MLIP: variants seen among roughly 807,000 people sequenced by gnomAD.
The protein encoded by MLIP is muscular LMNA interacting protein.
In MLIP, 79 loss-of-function variants were observed where a neutral mutation model predicts 84.8. That is an observed-to-expected ratio of 0.93 (90% CI 0.78 to 1.12). MLIP has a LOEUF of 1.12. Among genes scored for constraint, MLIP ranks in the 50% most tolerant of loss-of-function variants. The probability of loss-of-function intolerance (pLI) is 0.00; values close to 1 mark genes in which losing one functional copy is unlikely to be tolerated. For missense variants in MLIP, 1,257 were observed against 1,160.6 expected (o/e 1.08, Z -1.21); for synonymous variants, 504 against 463.0 (o/e 1.09, Z -1.14).
At chr6:54,160,494 T>C in intron 6 of MLIP, 22 bp from the exon 7 acceptor site, 2 of 1,611,390 alleles carry the variant, frequency 1.2e-6, no homozygotes, top group South Asian at 1.1e-5. Context: ...GCTAACCCAG[T>C]ACCTGGTTTC....
At chr6:54,208,103 G>C (rs1306965024) in intron 11 of MLIP, among the ~76,000 whole-genome samples, 1 of 152,004 alleles carries the variant, frequency 6.6e-6, no homozygotes, top group African/African-American at 2.4e-5. Flanking sequence ...ACTCCAGGCT[G>C]GGCAACAGAG....
At chr6:54,031,538 A>C (rs535545536) in intron 1 of MLIP, 2 of 151,264 alleles carry the variant, frequency 1.3e-5, no homozygotes, top group Admixed American at 1.3e-4. Flanking sequence ...GTGTGTGCAC[A>C]TGTGTGTGCA....
intron 12 of MLIP, among the ~76,000 whole-genome samples, chr6:54,250,545 T>A (rs1782402016): frequency 6.6e-6 from 1 of 152,098 alleles, no homozygotes; most frequent in African/African-American, 2.4e-5. Flanking sequence ...AGGAATGAGA[T>A]CATGTCCTTT....
At chr6:54,184,253 C>A (rs1228596068) in intron 9 of MLIP, among the ~76,000 whole-genome samples, 2 of 152,062 alleles carry the variant, frequency 1.3e-5, no homozygotes, top group African/African-American at 2.4e-5. Flanking sequence ...AGCATCTTAA[C>A]GGTATCAAAC....
At chr6:54,128,725 A>C (rs938555131) in intron 3 of MLIP, among the ~76,000 whole-genome samples, 1 of 152,106 alleles carries the variant, frequency 6.6e-6, no homozygotes, top group African/African-American at 2.4e-5. Flanking sequence ...TGGGCAATTG[A>C]CTGGCTATGT....
chr6:54,108,153 G>A, upstream of MLIP, among the ~76,000 whole-genome samples: 1 of 152,080 alleles, frequency 6.6e-6, no homozygotes, highest in Non-Finnish European at 1.5e-5. Flanking sequence ...ATTTTGGATT[G>A]TATTCATCTA....
intron 1 of MLIP, among the ~76,000 whole-genome samples, chr6:54,036,971 G>A (rs2150294143): frequency 6.6e-6 from 1 of 152,132 alleles, no homozygotes; most frequent in African/African-American, 2.4e-5. Flanking sequence ...TTGGGAACTT[G>A]TGGACAATGG....
At chr6:54,168,586 G>A (rs927617777) in intron 8 of MLIP, among the ~76,000 whole-genome samples, 3 of 151,846 alleles carry the variant, frequency 2.0e-5, no homozygotes, top group East Asian at 1.9e-4. Context: ...TCCCAGGGGT[G>A]TAGAACAGTG....
rs11445592 is a variant in MLIP at position 54,031,214 on chromosome 6, AT to A, written c.63+12132del. Among the ~76,000 whole-genome samples, 49 of 151,496 alleles carry A rather than the reference AT, an allele frequency of 3.2e-4. 1 individual carries two copies. The East Asian group carries it at 5.6e-3, about 17-fold the overall frequency. ...CTAAGATTTCAAATAGCTCAGAGTAATTTTTTTTTGTAAAAAAATTGTACTG... is the reference window on the plus strand; with the variant it reads ...CTAAGATTTCAAATAGCTCAGAGTAATTTTTTTTGTAAAAAAATTGTACTG... On this transcript the variant is annotated intron_variant, in intron 1 of 12. Coordinates refer to the MLIP transcript ENST00000274897.
At chr6:54,123,188 G>C (rs1770617819) in intron 2 of MLIP, among the ~76,000 whole-genome samples, 1 of 149,570 alleles carries the variant, frequency 6.7e-6, no homozygotes, top group Non-Finnish European at 1.5e-5. Context: ...GCCCTCCTCG[G>C]CCTCCCAAAG....
At chr6:54,241,727 A>G (rs1781749707) in intron 12 of MLIP, among the ~76,000 whole-genome samples, 1 of 152,208 alleles carries the variant, frequency 6.6e-6, no homozygotes, top group Non-Finnish European at 1.5e-5. Context: ...ATATGTCAAC[A>G]CAATATTTAC....
chr6:54,026,714 A>AGT (rs61442646), intron 1 of MLIP, among the ~76,000 whole-genome samples: 3,941 of 149,354 alleles, frequency 0.026, 102 homozygotes, highest in African/African-American at 0.066. Flanking sequence ...CTGTGTCTTC[A>AGT]GTGTGTGTGT....
At chr6:54,152,749 T>C (rs1442189432) in intron 5 of MLIP, among the ~76,000 whole-genome samples, 1 of 152,142 alleles carries the variant, frequency 6.6e-6, no homozygotes, top group East Asian at 1.9e-4. Flanking sequence ...CATTGACTAG[T>C]TTTTCTTCTT....
intron 1 of MLIP, among the ~76,000 whole-genome samples, chr6:54,070,019 T>G: frequency 6.6e-6 from 1 of 151,696 alleles, no homozygotes. Flanking sequence ...TTTAAAATTT[T>G]TGTCACAGTG....
At chr6:54,168,853 C>CT (rs3996971) in intron 8 of MLIP, among the ~76,000 whole-genome samples, 7,362 of 118,604 alleles carry the variant, frequency 0.062, 464 homozygotes, top group East Asian at 0.34. Flanking sequence ...GGGTTGAGGT[C>CT]TTTTTTTTTT....
chr6:54,083,403 G>C (rs908872749), intron 1 of MLIP: 1 of 1,416,690 alleles, frequency 7.1e-7, no homozygotes, highest in Non-Finnish European at 9.4e-7. Context: ...AGAGTTGTTG[G>C]GGAAGCAGGG....
intron 3 of MLIP, among the ~76,000 whole-genome samples, chr6:54,134,437 T>A (rs1771641040): frequency 1.3e-5 from 2 of 151,896 alleles, no homozygotes; most frequent in African/African-American, 4.8e-5. Flanking sequence ...TGCATATACT[T>A]ATTAATATAT....
At chr6:54,263,752 G>T (rs572023517) in intron 13 of MLIP, among the ~76,000 whole-genome samples, 5 of 151,998 alleles carry the variant, frequency 3.3e-5, no homozygotes, top group African/African-American at 1.2e-4. Flanking sequence ...GTTTGACTGT[G>T]TTCCAGAATT....
At chr6:54,047,196 A>T (rs1219770870) in intron 1 of MLIP, 1 of 152,188 alleles carries the variant, frequency 6.6e-6, no homozygotes, top group Non-Finnish European at 1.5e-5. Flanking sequence ...CAGTGAATGG[A>T]AAAAAGATGG....
Sources: allele counts gnomAD v4.1 joint callset (sites outside exome capture counted in the v4.1 genomes callset), GRCh38; gene constraint gnomAD v4.1.1; transcripts MANE v1.5; gene names NCBI Gene and HGNC (gene_info 2026-07-23, HGNC 2026-07-21).